SETBP1: variants seen among roughly 807,000 people sequenced by gnomAD.
SETBP1 encodes the protein SET binding protein 1.
SETBP1 carries 9 observed loss-of-function variants against 101.0 expected under a neutral mutation model. The observed-to-expected ratio is 0.09, with a 90% CI of 0.05 to 0.16. The LOEUF (loss-of-function observed/expected upper bound fraction) is 0.16, where lower values mean the gene tolerates loss of function less well. SETBP1 is among the 10% of genes least tolerant of loss of function. The pLI is 1.00. For missense variants in SETBP1, 1,858 were observed against 2,033.8 expected (o/e 0.91, Z 1.66); for synonymous variants, 818 against 788.5 (o/e 1.04, Z -0.63).
intron 3 of SETBP1, among the ~76,000 whole-genome samples, chr18:44,887,852 G>T (rs779426478): frequency 6.6e-6 from 1 of 152,076 alleles, no homozygotes; most frequent in Non-Finnish European, 1.5e-5. Flanking sequence ...CCTAGGCAGA[G>T]GTGGTCAAAC....
intron 3 of SETBP1, among the ~76,000 whole-genome samples, chr18:44,928,781 G>A (rs1224080408): frequency 6.6e-6 from 1 of 152,096 alleles, no homozygotes; most frequent in African/African-American, 2.4e-5. Flanking sequence ...GGGATTGTTT[G>A]ATTTTTCCTT....
chr18:44,981,857 C>T (rs1227842183), intron 4 of SETBP1, among the ~76,000 whole-genome samples: 2 of 152,218 alleles, frequency 1.3e-5, no homozygotes, highest in East Asian at 3.9e-4. Flanking sequence ...ACAATAAGGT[C>T]GAACTTGTGT....
chr18:44,947,599 C>T (rs540580285), intron 3 of SETBP1, among the ~76,000 whole-genome samples: 10 of 151,814 alleles, frequency 6.6e-5, no homozygotes, highest in South Asian at 2.1e-4. Context: ...CTCTACTTCC[C>T]GGGTTCAAGT....
At chr18:45,060,492 G>A (rs1460921170) in intron 5 of SETBP1, among the ~76,000 whole-genome samples, 1 of 151,922 alleles carries the variant, frequency 6.6e-6, no homozygotes, top group Non-Finnish European at 1.5e-5. Context: ...GGAAAGGAAT[G>A]GAGAAGGGAG....
chr18:44,947,284 T>C (rs189009399), intron 3 of SETBP1, among the ~76,000 whole-genome samples: 2 of 152,098 alleles, frequency 1.3e-5, no homozygotes, highest in East Asian at 3.9e-4. Context: ...AGGGACTCTG[T>C]TAGGTACCAA....
intron 2 of SETBP1, among the ~76,000 whole-genome samples, chr18:44,848,725 C>T (rs564619766): frequency 3.9e-5 from 6 of 152,172 alleles, no homozygotes; most frequent in South Asian, 2.1e-4. Context: ...GCATAATCTC[C>T]GCTTATTTGA....
At position 44,951,877 on chromosome 18, in the gene SETBP1, G is replaced by A. The variant is rs1245564404; in HGVS notation, c.2537G>A (p.Gly846Asp). 6.2e-7 allele frequency: 1 copy of A among 1,613,970 alleles called. No individual in the cohort carries two copies. Among genetic ancestry groups the A allele is most frequent in the Non-Finnish European group, 8.5e-7 (1 of 1,180,014 alleles). ...TCCCCTTCACACCTGTGCGAGATTGGCTCCCTAAAGGAAATCACGCTGTCC... is the reference window on the plus strand; with the variant it reads ...TCCCCTTCACACCTGTGCGAGATTGACTCCCTAAAGGAAATCACGCTGTCC... ...ANSPSHLCEI[G>D]SLKEITLSPV... The change falls in exon 4 of 6, where the codon GGC becomes GAC. Residue 846 changes from glycine (G) to aspartate (D), a missense_variant. By Grantham distance (94) the Gly-to-Asp change is moderately conservative. Around this residue, in one of 12 missense-constraint regions of SETBP1, gnomAD observed 121 missense variants for 138.0 expected, o/e 0.88. Coordinates refer to ENST00000649279, the MANE Select transcript of SETBP1 (RefSeq NM_015559.3). The surrounding 1 kb of genome is among the most constrained non-coding windows in gnomAD (Gnocchi z 7.8).
intron 2 of SETBP1, among the ~76,000 whole-genome samples, chr18:44,738,011 A>G (rs887053416): frequency 1.3e-5 from 2 of 152,168 alleles, no homozygotes; most frequent in African/African-American, 4.8e-5. Context: ...GGGCTTGTCA[A>G]TTGATTGGAC....
intron 4 of SETBP1, among the ~76,000 whole-genome samples, chr18:45,000,648 C>A (rs893433266): frequency 1.3e-5 from 2 of 152,064 alleles, no homozygotes; most frequent in African/African-American, 4.8e-5. Context: ...AATTCCATAG[C>A]TTTTCAGCTT....
At chr18:44,927,638 C>T (rs1391995990) in intron 3 of SETBP1, among the ~76,000 whole-genome samples, 1 of 152,146 alleles carries the variant, frequency 6.6e-6, no homozygotes, top group East Asian at 1.9e-4. Context: ...TGTGCCCAAT[C>T]AAAATGTGGC....
chr18:44,727,186 C>CTGTGTGTGTGTGTGTGTGTGTG (rs56695366), intron 2 of SETBP1, among the ~76,000 whole-genome samples: 9 of 145,306 alleles, frequency 6.2e-5, no homozygotes, highest in African/African-American at 2.1e-4. Flanking sequence ...TATTTGATCA[C>CTGTGTGTGTGTGTGTGTGTGTG]TGTGTGTGTG....
intron 2 of SETBP1, among the ~76,000 whole-genome samples, chr18:44,858,656 A>AGTT (rs2073021383): frequency 6.6e-6 from 1 of 152,040 alleles, no homozygotes; most frequent in East Asian, 1.9e-4. Flanking sequence ...TGGTGAAGAT[A>AGTT]GTTGTCTTCC....
At position 44,953,127 on chromosome 18, in the gene SETBP1, T is replaced by C; in HGVS notation, c.3787T>C (p.Tyr1263His). The C allele has an allele frequency of 6.2e-7, 1 of 1,614,156 alleles. No homozygotes were observed. Among genetic ancestry groups the C allele is most frequent in the Non-Finnish European group, 8.5e-7 (1 of 1,180,032 alleles). ...GCCTGTGGACTCATGCACGAAAAGA[T>C]ACTCTGGCAGTGGCGGGGATGGTGG... ...SEPVDSCTKR[Y>H]SGSGGDGGST... The change falls in exon 4 of 6, where the codon TAC becomes CAC. Residue 1263 changes from tyrosine (Y) to histidine (H), a missense_variant. Physicochemically the swap from Tyr to His is moderately conservative, Grantham distance 83. This residue lies in a region of SETBP1 where 417 missense variants were observed against 389.1 expected (regional missense o/e 1.07). Transcript: ENST00000649279.
intron 4 of SETBP1, among the ~76,000 whole-genome samples, chr18:45,029,576 G>C (rs1296080545): frequency 2.0e-5 from 3 of 152,092 alleles, no homozygotes; most frequent in African/African-American, 7.2e-5. Flanking sequence ...GATGGGGATG[G>C]CATTGAATCT....
At chr18:44,684,290 G>C (rs973572259) in intron 1 of SETBP1, among the ~76,000 whole-genome samples, 8 of 152,160 alleles carry the variant, frequency 5.3e-5, no homozygotes, top group African/African-American at 1.9e-4. Context: ...CACATACTTT[G>C]GCCTGCCATA....
intron 3 of SETBP1, among the ~76,000 whole-genome samples, chr18:44,916,344 G>C (rs936961799): frequency 7.9e-5 from 12 of 152,312 alleles, no homozygotes; most frequent in Admixed American, 7.8e-4. Flanking sequence ...CAGGCTGGCT[G>C]GAGTTTGTGG....
intron 2 of SETBP1, among the ~76,000 whole-genome samples, chr18:44,800,608 G>A (rs1272551312): frequency 6.6e-6 from 1 of 152,190 alleles, no homozygotes; most frequent in Non-Finnish European, 1.5e-5. Flanking sequence ...GAAGGGAAGA[G>A]CAGCCCAGCA....
intron 3 of SETBP1, among the ~76,000 whole-genome samples, chr18:44,913,858 T>C (rs1434622290): frequency 6.6e-6 from 1 of 152,250 alleles, no homozygotes; most frequent in African/African-American, 2.4e-5. Context: ...TTCATTCCAT[T>C]TTTAGTTACT....
At chr18:44,962,596 C>A (rs1057077898) in intron 4 of SETBP1, among the ~76,000 whole-genome samples, 2 of 152,160 alleles carry the variant, frequency 1.3e-5, no homozygotes, top group African/African-American at 4.8e-5. Context: ...GAGTTATGCA[C>A]TTAATGACTA....
Sources: allele counts gnomAD v4.1 joint callset (sites outside exome capture counted in the v4.1 genomes callset), GRCh38; gene constraint gnomAD v4.1.1; regional missense constraint gnomAD v4.1.1; non-coding constraint Gnocchi (gnomAD v3.1); transcripts MANE v1.5; gene names NCBI Gene and HGNC (gene_info 2026-07-23, HGNC 2026-07-21).